Variants in POC5 observed in about 807,000 individuals in gnomAD.
POC5 encodes POC5 centriolar protein, also known as centrosomal protein POC5.
In POC5, 48 loss-of-function variants were observed where a neutral mutation model predicts 62.9. The observed-to-expected ratio is 0.76, with a 90% CI of 0.61 to 0.97. The LOEUF (loss-of-function observed/expected upper bound fraction) is 0.97. Ranked by LOEUF, POC5 falls within the 50% of genes least tolerant of loss-of-function variation. The pLI, the probability that POC5 is intolerant of heterozygous loss-of-function variation, is 0.00. For missense variants in POC5, 696 were observed against 679.5 expected, an observed-to-expected ratio of 1.02 and a Z score of -0.27; for synonymous variants, 236 against 228.2, an observed-to-expected ratio of 1.03 and a Z score of -0.31.
chr5:75,684,936 C>T (rs1459308698), intron 10 of POC5, among the ~76,000 whole-genome samples: 8 of 149,992 alleles, frequency 5.3e-5, no homozygotes, highest in Non-Finnish European at 1.2e-4. Flanking sequence ...GGCGCGATCT[C>T]GGCTCACTGC....
chr5:75,701,229 C>G (rs1212038829), intron 5 of POC5, among the ~76,000 whole-genome samples: 1 of 142,046 alleles, frequency 7.0e-6, no homozygotes, highest in African/African-American at 2.5e-5. Flanking sequence ...GGTATATACC[C>G]AAAGGACTAT....
chr5:75,678,328 C>T lies in POC5; in HGVS notation c.1408-378G>A, dbSNP rs79323499. 9.6e-3 allele frequency among the ~76,000 whole-genome samples: 1,460 copies of T among 152,160 alleles called. 28 individuals are homozygous for T. Among genetic ancestry groups the T allele is most frequent in the African/African-American group, 0.034 (1,396 of 41,522 alleles). The stretch of plus-strand genomic sequence containing the variant: ...ATAACAAAGTCAAAACCAGGAAGCT[C>T]ACCATGAGATAATGCCTGTGTATAG... On this transcript the variant is annotated intron_variant, in intron 10 of 11. Transcript: ENST00000428202.
chr5:75,697,547 T>C (rs1776660282), intron 5 of POC5, among the ~76,000 whole-genome samples: 1 of 152,016 alleles, frequency 6.6e-6, no homozygotes, highest in African/African-American at 2.4e-5. Context: ...AAAGAGCTCC[T>C]GAAGGAAGTG....
chr5:75,707,907 T>G (rs1448916363), intron 2 of POC5, 32 bp from the exon 3 acceptor site: 1 of 1,526,638 alleles, frequency 6.6e-7, no homozygotes, highest in African/African-American at 1.4e-5. Context: ...TAATGTAGTG[T>G]AACAGTTACA....
At position 75,674,458 on chromosome 5, in the gene POC5, G is replaced by A; in HGVS notation, c.1705C>T (p.His569Tyr). ...SAHTQSLTSV[H>Y]SIKVVD ...CTTTAGTCAACCACTTTTATGGAAT[G>A]AACACTTGTGAGAGACTGGGTGTGA... The change falls in exon 12 of 12, where the codon CAT (histidine) becomes TAT (tyrosine). Residue 569 changes from histidine to tyrosine, a missense_variant. Transcript: ENST00000428202. The A allele has an allele frequency of 6.2e-7, 1 of 1,613,940 alleles. No individual in the cohort carries two copies. Among genetic ancestry groups the A allele is most frequent in the South Asian group, 1.1e-5 (1 of 91,064 alleles).
rs1554075832 is a variant in POC5, at chr5:75,716,396, G to GT, written c.-15+909dup. Reference sequence around the variant, plus strand: ...AGGTAACAGGGGTGGGGGGGGGGGGGTGCTGATTATTTAAAAATGAGCTAG... The same window carrying GT: ...AGGTAACAGGGGTGGGGGGGGGGGGGTTGCTGATTATTTAAAAATGAGCTAG... On this transcript the variant is annotated intron_variant, in intron 1 of 11. Transcript: ENST00000428202. 3.8e-3 allele frequency among the ~76,000 whole-genome samples: 311 copies of GT among 82,790 alleles called. 2 individuals carry two copies. Among genetic ancestry groups the GT allele is most frequent in the Non-Finnish European group, 6.7e-3 (257 of 38,582 alleles). 54.3% of individuals were successfully genotyped at this position (82,790 alleles called of 152,430 possible).
At chr5:75,679,236 T>C (rs1009964825) in intron 10 of POC5, among the ~76,000 whole-genome samples, 13 of 152,166 alleles carry the variant, frequency 8.5e-5, no homozygotes, top group South Asian at 4.1e-4. Flanking sequence ...ACAGCTGAGG[T>C]AGTTATATTC....
intron 10 of POC5, among the ~76,000 whole-genome samples, chr5:75,684,363 A>ATTTTTTTTTTTTTTTTTTTT (rs749361349): frequency 1.4e-4 from 19 of 132,706 alleles, no homozygotes; most frequent in African/African-American, 4.8e-4. Context: ...TTCCTACATA[A>ATTTTTTTTTTTTTTTTTTTT]TTTTTTTTTT....
At chr5:75,691,857 A>G (rs1441481979) in intron 7 of POC5, among the ~76,000 whole-genome samples, 3 of 152,152 alleles carry the variant, frequency 2.0e-5, no homozygotes, top group Non-Finnish European at 4.4e-5. Context: ...GCTCTTACTT[A>G]AAATAAAAGA....
chr5:75,683,690 C>T (rs1007831252), intron 10 of POC5, among the ~76,000 whole-genome samples: 2 of 149,636 alleles, frequency 1.3e-5, no homozygotes, highest in African/African-American at 2.5e-5. Flanking sequence ...TGTGCTTCAT[C>T]TGAAACTCTA....
At position 75,702,781 on chromosome 5, in the gene POC5, G is replaced by C. The variant is rs79392300; in HGVS notation, c.337C>G (p.Pro113Ala). 6.3e-7 allele frequency: 1 copy of C among 1,585,420 alleles called. No homozygotes were observed. The highest frequency in any genetic ancestry group is 8.6e-7 in the Non-Finnish European group (1 of 1,164,916). ...ESSPVLSPRKPSHPVMDFFSS... is the reference protein window; with the variant it reads ...ESSPVLSPRKASHPVMDFFSS... ...AAAAAATCCATGACTGGGTGAGAAG[G>C]CTTCCTTGGCGATAACACTGGTGAT... The change falls in exon 5 of 12, where the codon CCT becomes GCT. Residue 113 changes from proline to alanine, a missense_variant. Physicochemically the swap from Pro to Ala is conservative, Grantham distance 27. Coordinates refer to ENST00000428202, the MANE Select transcript of POC5 (RefSeq NM_001099271.2).
intron 2 of POC5, 21 bp downstream of exon 2, chr5:75,712,833 A>C (rs895306106): frequency 1.3e-6 from 2 of 1,559,748 alleles, no homozygotes; most frequent in African/African-American, 2.7e-5. Flanking sequence ...AGTCATGGTA[A>C]ATTTAGAAAT....
intron 5 of POC5, among the ~76,000 whole-genome samples, chr5:75,699,227 C>G (rs925876162): frequency 7.7e-4 from 117 of 152,274 alleles, no homozygotes; most frequent in Middle Eastern, 6.8e-3. Flanking sequence ...ATGAGGCCAA[C>G]ATCATCCTGA....
intron 2 of POC5, 125 bp from the exon 3 acceptor site, chr5:75,708,000 T>G (rs376121144): frequency 3.5e-6 from 3 of 863,090 alleles, no homozygotes; most frequent in Admixed American, 3.1e-5. Flanking sequence ...ATTACAAAGT[T>G]TTACCACTTA....
chr5:75,712,408 T>C (rs1328145092), intron 2 of POC5: 4 of 1,612,948 alleles, frequency 2.5e-6, no homozygotes, highest in Non-Finnish European at 1.7e-6. Flanking sequence ...GTCCAGGTCC[T>C]GGGCAGCAGA....
intron 10 of POC5, among the ~76,000 whole-genome samples, chr5:75,682,865 T>C (rs1008068734): frequency 1.3e-5 from 2 of 152,230 alleles, no homozygotes; most frequent in East Asian, 1.9e-4. Context: ...CTCTTAGCCA[T>C]GTGCTAGATA....
chr5:75,693,365 C>A (rs1776427652), intron 6 of POC5, among the ~76,000 whole-genome samples: 1 of 151,804 alleles, frequency 6.6e-6, no homozygotes, highest in Non-Finnish European at 1.5e-5. Flanking sequence ...AAATTGGGCA[C>A]ATTTACCAAG....
chr5:75,687,403 GTGTCATTAAAA>G (rs1285886714), intron 9 of POC5, among the ~76,000 whole-genome samples: 1 of 152,066 alleles, frequency 6.6e-6, no homozygotes, highest in East Asian at 1.9e-4. Context: ...AAAAAAATAG[GTGTCATTAAAA>G]TGTCATAAAA....
chr5:75,697,008 A>G (rs1776629028), intron 5 of POC5, among the ~76,000 whole-genome samples: 1 of 152,154 alleles, frequency 6.6e-6, no homozygotes, highest in African/African-American at 2.4e-5. Flanking sequence ...TTAGAGAAAA[A>G]AGAATAAAAA....
Sources: allele counts gnomAD v4.1 joint callset (sites outside exome capture counted in the v4.1 genomes callset), GRCh38; gene constraint gnomAD v4.1.1; transcripts MANE v1.5; gene names NCBI Gene and HGNC (gene_info 2026-07-23, HGNC 2026-07-21).